The following CNOT3 variants were observed in gnomAD, a reference collection of about 807,000 sequenced individuals.
The protein encoded by CNOT3 is CCR4-NOT transcription complex subunit 3.
Under a neutral mutation model 89.4 loss-of-function variants are expected in CNOT3, and 2 were observed. That is an observed-to-expected ratio of 0.02 (90% CI 0.01 to 0.07). The LOEUF (loss-of-function observed/expected upper bound fraction) is 0.07. Ranked by LOEUF, CNOT3 falls within the 10% of genes least tolerant of loss-of-function variation. The probability of loss-of-function intolerance (pLI) is 1.00; values close to 1 mark genes in which losing one functional copy is unlikely to be tolerated. For synonymous variants in CNOT3, 486 were observed against 402.0 expected, an observed-to-expected ratio of 1.21 and a Z score of -2.50; for missense variants, 664 against 1,010.2, an observed-to-expected ratio of 0.66 and a Z score of 4.65.
intron 13 of CNOT3, among the ~76,000 whole-genome samples, chr19:54,151,621 AGGAACCAGCCCTGACTTT>A (rs1180774559): frequency 2.0e-5 from 3 of 152,158 alleles, no homozygotes; most frequent in Admixed American, 2.0e-4. Context: ...AGGAGATGGG[AGGAACCAGCCCTGACTTT>A]GGGGAACAGA....
At chr19:54,153,409 C>T (rs1256833475) in intron 16 of CNOT3, 3 of 770,712 alleles carry the variant, frequency 3.9e-6, no homozygotes, top group Non-Finnish European at 7.2e-6. Flanking sequence ...TCATGAGTGA[C>T]CTCCACCCTC....
intron 4 of CNOT3, 25 bp downstream of exon 4, chr19:54,143,541 C>T: frequency 6.2e-7 from 1 of 1,612,724 alleles, no homozygotes; most frequent in Non-Finnish European, 8.5e-7. Flanking sequence ...GGCCTGGACG[C>T]CTTTGTCCTG....
chr19:54,142,451 C>CACACACACACACACACAA, intron 1 of CNOT3: 1 of 239,842 alleles, frequency 4.2e-6, no homozygotes, highest in Non-Finnish European at 8.3e-6. Context: ...CACACACACA[C>CACACACACACACACACAA]GCCCTTCTCT....
Position 54,148,244 on chromosome 19 carries a change from G to C in CNOT3, c.991G>C (p.Ala331Pro). Reference sequence around the variant, plus strand: ...CTACCCCTCCGGCCCCCCGCCTGCTGCCTCTGCCTTGAGCACCACTCCTGG... The same window carrying C: ...CTACCCCTCCGGCCCCCCGCCTGCTCCCTCTGCCTTGAGCACCACTCCTGG... Reference protein sequence around the residue: ...PTYPSGPPPAASALSTTPGNN... With the variant: ...PTYPSGPPPAPSALSTTPGNN... Residue 331 changes from alanine to proline, a missense_variant, in exon 11 of 18, where the codon GCC becomes CCC. By Grantham distance (27) the Ala-to-Pro change is conservative. Coordinates refer to ENST00000221232, the MANE Select transcript of CNOT3 (RefSeq NM_014516.4). The surrounding 1 kb of genome is among the most constrained non-coding windows in gnomAD (Gnocchi z 6.3). 1 of 1,599,866 alleles carries C rather than the reference G, an allele frequency of 6.3e-7. No homozygotes were observed. Among genetic ancestry groups the C allele is most frequent in the South Asian group, 1.1e-5 (1 of 89,330 alleles).
intron 1 of CNOT3, chr19:54,142,631 G>A: frequency 2.1e-6 from 1 of 481,104 alleles, no homozygotes; most frequent in Non-Finnish European, 3.8e-6. Context: ...CTTTTTGAGT[G>A]TATTCTGGGG....
chr19:54,140,336 C>T (rs2074396971), intron 1 of CNOT3, among the ~76,000 whole-genome samples: 1 of 152,080 alleles, frequency 6.6e-6, no homozygotes, highest in South Asian at 2.1e-4. Context: ...CCGAGGTTCC[C>T]AGATTCCTCA....
chr19:54,147,404 G>A (rs947852804), intron 10 of CNOT3, among the ~76,000 whole-genome samples: 1 of 152,196 alleles, frequency 6.6e-6, no homozygotes, highest in Non-Finnish European at 1.5e-5. Flanking sequence ...ACAGGGCCAG[G>A]AGGTGATGAG....
intron 1 of CNOT3, among the ~76,000 whole-genome samples, chr19:54,138,515 T>G (rs1377187007): frequency 7.6e-5 from 11 of 145,006 alleles, no homozygotes; most frequent in East Asian, 6.1e-4. Context: ...GGAGGGGGGG[T>G]GGTGGTCGGG....
chr19:54,143,888 G>A (rs2074554057), intron 5 of CNOT3, 118 bp from the exon 6 acceptor site: 10 of 1,488,714 alleles, frequency 6.7e-6, no homozygotes, highest in African/African-American at 4.2e-5. Flanking sequence ...AAGTGAAGAG[G>A]CAGCGGACTC....
At chr19:54,138,150 G>A (rs2074290051) in intron 1 of CNOT3, among the ~76,000 whole-genome samples, 157 bp downstream of exon 1, 1 of 151,630 alleles carries the variant, frequency 6.6e-6, no homozygotes, top group South Asian at 2.1e-4. Context: ...GCAGCGCGGG[G>A]CTCCCGGCGG....
At chr19:54,147,493 G>A (rs2074744952) in intron 10 of CNOT3, among the ~76,000 whole-genome samples, 2 of 152,230 alleles carry the variant, frequency 1.3e-5, no homozygotes, top group Non-Finnish European at 2.9e-5. Flanking sequence ...AAGCAGCGAT[G>A]CCCAGGAGAG....
At chr19:54,151,693 G>A (rs2075122120) in intron 13 of CNOT3, among the ~76,000 whole-genome samples, 2 of 152,152 alleles carry the variant, frequency 1.3e-5, no homozygotes, top group South Asian at 2.1e-4. Flanking sequence ...CTGTGGCTGC[G>A]GGGCTGGAGA....
chr19:54,154,649 G>A (rs1395337697), intron 17 of CNOT3: 1 of 153,970 alleles, frequency 6.5e-6, no homozygotes, highest in Non-Finnish European at 1.4e-5. Context: ...CTTGTCCTCA[G>A]AGAACTCAGT....
rs969590318 is a variant in CNOT3 at position 54,152,471 on chromosome 19, G to A, written c.1749G>A (p.Gln583=). ...CATCAGCACCTCCGGCCTCAGCCCA[G>A]CCGCCCCTGCAGCTGTCAGAGGTGA... ...SSTSAPPASA[Q]PPLQLSEVNI... The change falls in exon 15 of 18, where the codon CAG becomes CAA. Residue 583 remains glutamine (Q), a synonymous_variant. Transcript: ENST00000221232. 3 of 1,614,160 alleles carry A rather than the reference G, an allele frequency of 1.9e-6. No homozygotes were observed. The highest frequency in any genetic ancestry group is 1.3e-5 in the African/African-American group (1 of 75,046).
In CNOT3 at chr19:54,152,222, C is replaced by A. The variant is rs746743002; in HGVS notation, c.1606-4C>A. 1 of 1,614,046 alleles carries A rather than the reference C, an allele frequency of 6.2e-7. No homozygotes were observed. ...TCAGGCCAGGCCTCTTGTTTCCTCC[C>A]CAGGCCCCTGAGCCTCTGAGCTCCT... is the stretch of plus-strand genomic sequence containing the variant. On this transcript the variant is annotated splice_region_variant and splice_polypyrimidine_tract_variant and intron_variant, in intron 13 of 17. Coordinates refer to ENST00000221232, the MANE Select transcript of CNOT3 (RefSeq NM_014516.4).
At chr19:54,138,779 G>C (rs1202866933) in intron 1 of CNOT3, among the ~76,000 whole-genome samples, 1 of 152,270 alleles carries the variant, frequency 6.6e-6, no homozygotes, top group Non-Finnish European at 1.5e-5. Context: ...GGTGGCTCCA[G>C]CCTCGCCATC....
intron 1 of CNOT3, chr19:54,141,767 A>C (rs1364119843): frequency 6.6e-6 from 1 of 152,072 alleles, no homozygotes; most frequent in Non-Finnish European, 1.5e-5. Context: ...GCACACGTAG[A>C]GTGGGAGCGG....
In CNOT3 at chr19:54,155,608, C is replaced by A; in HGVS notation, c.*201C>A. 4.2e-6 allele frequency: 5 copies of A among 1,198,814 alleles called. No homozygotes were observed. Among genetic ancestry groups the A allele is most frequent in the Non-Finnish European group, 4.7e-6 (4 of 858,542 alleles). The allele number at this position is 1,198,814 out of a possible 1,614,324, so 74.3% of individuals were successfully genotyped here. A position where few individuals can be genotyped will look rare whatever the true frequency, so the allele number is the denominator to read the frequency against. On this transcript the variant is annotated 3_prime_UTR_variant, in exon 18 of 18. Coordinates refer to ENST00000221232, the MANE Select transcript of CNOT3 (RefSeq NM_014516.4). ...GGCGAGGGCTGCCCCCTCCTCCCCTCCCCAGTGAGGGACATTTTTTGGTAA... is the reference window on the plus strand; with the variant it reads ...GGCGAGGGCTGCCCCCTCCTCCCCTACCCAGTGAGGGACATTTTTTGGTAA...
intron 16 of CNOT3, 22 bp from the exon 17 acceptor site, chr19:54,153,693 C>G: frequency 6.2e-7 from 1 of 1,611,196 alleles, no homozygotes; most frequent in Non-Finnish European, 8.5e-7. Flanking sequence ...CCTGATCCCC[C>G]TCTCCACTGT....
Sources: gnomAD v4.1 joint callset for allele counts (sites outside exome capture counted in the v4.1 genomes callset) on GRCh38, gnomAD v4.1.1 for gene constraint, Gnocchi (gnomAD v3.1) non-coding constraint, MANE v1.5 for transcripts, NCBI Gene and HGNC (gene_info 2026-07-23, HGNC 2026-07-21) for gene names.